The following NMUR1 variants were observed in gnomAD, a reference collection of about 807,000 sequenced individuals.
The protein encoded by NMUR1 is neuromedin U receptor 1.
NMUR1 carries 16 observed loss-of-function variants against 18.8 expected under a neutral mutation model. The observed-to-expected ratio is 0.85, with a 90% CI of 0.58 to 1.29. The LOEUF is 1.29. NMUR1 is among the 50% of genes most tolerant of loss of function. The pLI, the probability that NMUR1 is intolerant of heterozygous loss-of-function variation, is 0.00. For synonymous variants in NMUR1, 258 were observed against 258.2 expected (o/e 1.00, Z 0.01); for missense variants, 529 against 580.3 (o/e 0.91, Z 0.91).
Position 231,530,414 on chromosome 2 carries a change from G to C in NMUR1, c.-53C>G. ...TTCCACCCTCCGAGCGACGGACACA[G>C]ACGCGGCGCGGGAGCCAGTGGACTG... On this transcript the variant is annotated 5_prime_UTR_variant, in exon 1 of 3. Transcript: ENST00000305141. 1.4e-6 allele frequency: 2 copies of C among 1,465,534 alleles called. No homozygotes were observed. The highest frequency in any genetic ancestry group is 9.0e-7 in the Non-Finnish European group (1 of 1,115,870). 90.8% of individuals were successfully genotyped at this position (1,465,534 alleles called of 1,614,324 possible).
chr2:231,527,034 C>T (rs1044101290), intron 2 of NMUR1, among the ~76,000 whole-genome samples: 10 of 152,278 alleles, frequency 6.6e-5, no homozygotes, highest in Middle Eastern at 3.4e-3. Flanking sequence ...GTCTCTCCTG[C>T]GGTTCCCAGG....
chr2:231,518,599 G>A (rs1353141629), downstream of NMUR1, among the ~76,000 whole-genome samples: 1 of 150,248 alleles, frequency 6.7e-6, no homozygotes, highest in Non-Finnish European at 1.5e-5. Context: ...TGGGTGTTGG[G>A]AATGGAAGTA....
chr2:231,527,637 CAA>C (rs10522812), intron 2 of NMUR1, among the ~76,000 whole-genome samples: 152 of 99,982 alleles, frequency 1.5e-3, no homozygotes, highest in African/African-American at 6.7e-3. Context: ...GACCCTGTCT[CAA>C]AAAAAAAAAA....
chr2:231,525,846 A>C (rs2047351058), intron 2 of NMUR1, among the ~76,000 whole-genome samples: 1 of 152,224 alleles, frequency 6.6e-6, no homozygotes, highest in Non-Finnish European at 1.5e-5. Context: ...ATAAGTACAG[A>C]AAAGAAGAAT....
downstream of NMUR1, among the ~76,000 whole-genome samples, chr2:231,518,529 G>T (rs1473525510): frequency 6.6e-6 from 1 of 152,212 alleles, no homozygotes; most frequent in Non-Finnish European, 1.5e-5. Flanking sequence ...TAAATTGAAG[G>T]GGGGTAATAT....
Position 231,525,255 on chromosome 2 carries a change from T to C in NMUR1, c.1069A>G (p.Ser357Gly), listed in dbSNP as rs1246431581. The C allele has an allele frequency of 2.5e-6, 4 of 1,614,094 alleles. No individual in the cohort carries two copies. The highest frequency in any genetic ancestry group is 1.1e-5 in the South Asian group (1 of 91,072). ...TCTCGGAAGCGGCTGGACATGAGGC[T>C]ATAGAGCACGGGGTTGGCCGCCGAG... ...LGSAANPVLY[S>G]LMSSRFRETF... The change falls in exon 3 of 3, where the codon AGC (serine) becomes GGC (glycine). Residue 357 changes from serine (S) to glycine (G), a missense_variant. By Grantham distance (56) the Ser-to-Gly change is moderately conservative (BLOSUM62 0). Coordinates refer to ENST00000305141, the MANE Select transcript of NMUR1 (RefSeq NM_006056.5).
intron 1 of NMUR1, 67 bp from the exon 2 acceptor site, chr2:231,529,084 T>C: frequency 6.9e-7 from 1 of 1,457,574 alleles, no homozygotes; most frequent in Non-Finnish European, 9.2e-7. Context: ...TCCTCACTCA[T>C]CAAGCCAAAG....
chr2:231,519,477 C>T (rs184360027), downstream of NMUR1, among the ~76,000 whole-genome samples: 219 of 152,348 alleles, frequency 1.4e-3, no homozygotes, highest in Middle Eastern at 3.4e-3. Flanking sequence ...CCTCAGACTA[C>T]ACCTTGTAGA....
At chr2:231,526,333 G>A (rs143425300) in intron 2 of NMUR1, among the ~76,000 whole-genome samples, 47 of 152,276 alleles carry the variant, frequency 3.1e-4, no homozygotes, top group African/African-American at 1.0e-3. Flanking sequence ...CAAAAAGGAC[G>A]TTGCTCACAA....
At chr2:231,523,150 G>T, downstream of NMUR1, 1 of 339,346 alleles carries the variant, frequency 2.9e-6, no homozygotes, top group South Asian at 1.4e-4. Flanking sequence ...ACCACCATAT[G>T]ACACATCACT....
At position 231,525,239 on chromosome 2, in the gene NMUR1, C is replaced by T. The variant is rs746804760; in HGVS notation, c.1085G>A (p.Arg362His). The T allele has an allele frequency of 3.0e-5, 48 of 1,614,038 alleles. No individual in the cohort carries two copies. Among genetic ancestry groups the T allele is most frequent in the East Asian group, 4.5e-5 (2 of 44,892 alleles). ...NPVLYSLMSS[R>H]FRETFQEALC... ...GGCCTCCTGGAAGGTCTCTCGGAAG[C>T]GGCTGGACATGAGGCTATAGAGCAC... The change falls in exon 3 of 3, where the codon CGC (arginine) becomes CAC (histidine). Residue 362 changes from arginine (R) to histidine (H), a missense_variant. By Grantham distance (29) the Arg-to-His change is conservative (BLOSUM62 0). Transcript: ENST00000305141.
downstream of NMUR1, among the ~76,000 whole-genome samples, chr2:231,522,216 C>G (rs535810246): frequency 6.6e-6 from 1 of 151,876 alleles, no homozygotes; most frequent in East Asian, 2.0e-4. Context: ...AACTCCTGAG[C>G]TCAGGTGATC....
chr2:231,525,447 G>A (rs1308141154), intron 2 of NMUR1, 22 bp from the exon 3 acceptor site: 5 of 1,583,636 alleles, frequency 3.2e-6, no homozygotes, highest in Non-Finnish European at 4.3e-6. Context: ...GAGAAGGGAG[G>A]CCGAGTGCCC....
intron 2 of NMUR1, among the ~76,000 whole-genome samples, chr2:231,527,531 A>ACTTAGCTT (rs1233164371): frequency 1.3e-5 from 2 of 151,752 alleles, no homozygotes; most frequent in Non-Finnish European, 2.9e-5. Flanking sequence ...AGCCCCAGCT[A>ACTTAGCTT]CTTAGGAGGC....
chr2:231,519,949 G>GATAAA (rs918565274), downstream of NMUR1, among the ~76,000 whole-genome samples: 1 of 151,894 alleles, frequency 6.6e-6, no homozygotes, highest in African/African-American at 2.4e-5. Context: ...AAGAAGATAA[G>GATAAA]ATAAAATAAA....
chr2:231,529,148 A>C (rs1575290213), intron 1 of NMUR1, 131 bp from the exon 2 acceptor site: 3 of 893,256 alleles, frequency 3.4e-6, no homozygotes, highest in Non-Finnish European at 4.9e-6. Flanking sequence ...GAAAGAAAAA[A>C]CTCTTCCATC....
In NMUR1 at chr2:231,528,726, G is replaced by C; in HGVS notation, c.295C>G (p.Leu99Val). The C allele has an allele frequency of 6.2e-7, 1 of 1,614,266 alleles. No individual in the cohort carries two copies. The highest frequency in any genetic ancestry group is 8.5e-7 in the Non-Finnish European group (1 of 1,180,048). The change falls in exon 2 of 3, where the codon CTC (leucine) becomes GTC (valine). Residue 99 changes from leucine (L) to valine (V), a missense_variant. Coordinates refer to ENST00000305141, the MANE Select transcript of NMUR1 (RefSeq NM_006056.5). ...KAMRTPTNYY[L>V]FSLAVSDLLV... ...AGGTCCGACACGGCCAGGCTGAAGA[G>C]GTAGTAGTTGGTAGGCGTGCGCATG...
In NMUR1 at chr2:231,525,362, C is replaced by T. The variant is rs2047345894; in HGVS notation, c.962G>A (p.Ser321Asn). 1.2e-6 allele frequency: 2 copies of T among 1,613,974 alleles called. No homozygotes were observed. The highest frequency in any genetic ancestry group is 1.3e-5 in the African/African-American group (1 of 74,942). Residue 321 changes from serine (S) to asparagine (N), a missense_variant, in exon 3 of 3, where the codon AGC (serine) becomes AAC (asparagine). Coordinates refer to ENST00000305141, the MANE Select transcript of NMUR1 (RefSeq NM_006056.5). ...GCCATCTGTCCACTGTGACACGACG[C>T]TCCACATGACGCGGTCGGCGTGGAA... ...APFHADRVMW[S>N]VVSQWTDGLH...
At chr2:231,521,743 C>G (rs13413289), downstream of NMUR1, among the ~76,000 whole-genome samples, 6 of 152,018 alleles carry the variant, frequency 3.9e-5, no homozygotes, top group African/African-American at 1.5e-4. Flanking sequence ...ATGGAGGCCT[C>G]CTGACCTGGG....
Sources: allele counts gnomAD v4.1 joint callset (sites outside exome capture counted in the v4.1 genomes callset), GRCh38; gene constraint gnomAD v4.1.1; transcripts MANE v1.5; gene names NCBI Gene and HGNC (gene_info 2026-07-23, HGNC 2026-07-21).